Variants in EFR3B observed in about 807,000 individuals in gnomAD.
EFR3B encodes EFR3 homolog B.
EFR3B carries 64 observed loss-of-function variants against 104.7 expected under a neutral mutation model. That is an observed-to-expected ratio of 0.61 (90% CI 0.50 to 0.75). The LOEUF (loss-of-function observed/expected upper bound fraction) is 0.75. EFR3B is among the 30% of genes least tolerant of loss of function. The pLI, the probability that EFR3B is intolerant of heterozygous loss-of-function variation, is 0.00. For missense variants in EFR3B, 750 were observed against 1,078.5 expected (o/e 0.70, Z 4.27); for synonymous variants, 385 against 417.9 (o/e 0.92, Z 0.96).
At chr2:25,066,523 T>G (rs942897828) in intron 1 of EFR3B, among the ~76,000 whole-genome samples, 1 of 152,216 alleles carries the variant, frequency 6.6e-6, no homozygotes, top group Non-Finnish European at 1.5e-5. Context: ...CTGCCTGGAA[T>G]GCCTTCCTTT....
At chr2:25,129,006 C>CCTTT (rs1034791162) in intron 6 of EFR3B, among the ~76,000 whole-genome samples, 1 of 122,756 alleles carries the variant, frequency 8.1e-6, no homozygotes, top group Non-Finnish European at 1.7e-5. Context: ...AAAAAAGATG[C>CCTTT]CTTTCATGGC....
rs1671092886 is a variant in EFR3B, at chr2:25,154,013, G to A, written c.2349-222G>A. ...GCAAGAGTCCTAGTGTTCCGGGCTG[G>A]CACTTTCTAAAGCAGCAGTGTCACT... On this transcript the variant is annotated intron_variant, in intron 22 of 22. Coordinates refer to ENST00000403714, the MANE Select transcript of EFR3B (RefSeq NM_014971.2). This position sits in a 1 kb window ranked among gnomAD's most constrained non-coding sequence, Gnocchi z 4.1. 6.6e-6 allele frequency among the ~76,000 whole-genome samples: 1 copy of A among 152,178 alleles called. No individual in the cohort carries two copies. Among genetic ancestry groups the A allele is most frequent in the Admixed American group, 6.5e-5 (1 of 15,274 alleles).
rs572816102 is a variant in EFR3B at position 25,131,183 on chromosome 2, G to C, written c.850-185G>C. On this transcript the variant is annotated intron_variant, in intron 8 of 22. Coordinates refer to ENST00000403714, the MANE Select transcript of EFR3B (RefSeq NM_014971.2). This position sits in a 1 kb window ranked among gnomAD's most constrained non-coding sequence, Gnocchi z 7.6. ...CAGCTGAGGCCTCCACTGGGATTTG[G>C]CTCTTTGTTGGAGGGAGAAGGGAAG... Among the ~76,000 whole-genome samples the C allele has an allele frequency of 8.5e-5, 13 of 152,368 alleles. No individual in the cohort carries two copies. In the South Asian group the frequency reaches 2.3e-3, roughly 27 times the overall value.
intron 19 of EFR3B, 104 bp from the exon 20 acceptor site, chr2:25,149,590 C>A: frequency 1.6e-6 from 2 of 1,236,598 alleles, no homozygotes; most frequent in Non-Finnish European, 2.3e-6. Flanking sequence ...CCCACTGGGA[C>A]TTTCTTCCAA....
rs1671128100 is a variant in EFR3B at position 25,155,199 on chromosome 2, A to AG, written c.*863dup. On this transcript the variant is annotated 3_prime_UTR_variant, in exon 23 of 23. Transcript: ENST00000403714. ...GAAAGGCAGAGCAAGATAATCTTGG[A>AG]GGGGAACTACAGGGTCCCCAAGATT... 6.6e-6 allele frequency: 1 copy of AG among 152,172 alleles called. No homozygotes were observed. The highest frequency in any genetic ancestry group is 2.4e-5 in the African/African-American group (1 of 41,412). The allele number at this position is 152,172 out of a possible 1,614,324, so 9.4% of individuals were successfully genotyped here.
intron 3 of EFR3B, among the ~76,000 whole-genome samples, chr2:25,097,649 G>A (rs932298263): frequency 2.0e-5 from 3 of 152,194 alleles, no homozygotes; most frequent in Non-Finnish European, 4.4e-5. Flanking sequence ...AGGATGAGAT[G>A]TGAATTTCAA....
chr2:25,140,457 G>C (rs1025187623), intron 16 of EFR3B, among the ~76,000 whole-genome samples: 3 of 152,186 alleles, frequency 2.0e-5, no homozygotes, highest in Non-Finnish European at 4.4e-5. Flanking sequence ...GAGTCTTCCA[G>C]CTTCTGGGCT....
At chr2:25,106,553 G>A (rs1266792919) in intron 4 of EFR3B, among the ~76,000 whole-genome samples, 3 of 151,580 alleles carry the variant, frequency 2.0e-5, no homozygotes, top group Admixed American at 6.6e-5. Flanking sequence ...CACCTCCCAG[G>A]TTCAAGTGAT....
At position 25,085,825 on chromosome 2, in the gene EFR3B, G is replaced by T. The variant is rs563697975; in HGVS notation, c.8-5500G>T. The stretch of plus-strand genomic sequence containing the variant: ...ATATGTTAATTTGTGCTATGAATCT[G>T]GGATGGGGGATTTAGTATGCCTGGC... On this transcript the variant is annotated intron_variant, in intron 1 of 22. Coordinates refer to ENST00000403714, the MANE Select transcript of EFR3B (RefSeq NM_014971.2). 5.9e-4 allele frequency among the ~76,000 whole-genome samples: 89 copies of T among 150,824 alleles called. 1 individual carries two copies. Among genetic ancestry groups the T allele is most frequent in the African/African-American group, 2.0e-3 (84 of 41,012 alleles).
At chr2:25,096,088 T>A (rs1189262968) in intron 3 of EFR3B, among the ~76,000 whole-genome samples, 2 of 152,032 alleles carry the variant, frequency 1.3e-5, no homozygotes, top group African/African-American at 2.4e-5. Context: ...TGATCTTGGC[T>A]CACTGCAACC....
At chr2:25,103,292 T>G (rs1314152624) in intron 3 of EFR3B, among the ~76,000 whole-genome samples, 1 of 152,228 alleles carries the variant, frequency 6.6e-6, no homozygotes, top group Non-Finnish European at 1.5e-5. Context: ...TTCCCCGACC[T>G]CATAGAGTTT....
intron 1 of EFR3B, among the ~76,000 whole-genome samples, chr2:25,051,924 G>A (rs1573162586): frequency 6.6e-6 from 1 of 150,720 alleles, no homozygotes; most frequent in African/African-American, 2.4e-5. Flanking sequence ...GGCTGGGTTC[G>A]GTGGCTGACT....
intron 1 of EFR3B, among the ~76,000 whole-genome samples, chr2:25,078,196 G>C (rs1668689417): frequency 6.6e-6 from 1 of 152,126 alleles, no homozygotes; most frequent in African/African-American, 2.4e-5. Flanking sequence ...CGAACTGCTG[G>C]AGTTCATTAA....
At chr2:25,153,890 C>T (rs1671087594) in intron 22 of EFR3B, 129 bp downstream of exon 22, 2 of 1,024,732 alleles carry the variant, frequency 2.0e-6, no homozygotes, top group Non-Finnish European at 2.9e-6. Flanking sequence ...TAATCTCTAT[C>T]CCCTGGGCTG....
chr2:25,045,289 C>T (rs1284102264), intron 1 of EFR3B, among the ~76,000 whole-genome samples: 1 of 152,190 alleles, frequency 6.6e-6, no homozygotes, highest in African/African-American at 2.4e-5. Flanking sequence ...CCTCACCACT[C>T]AGTCATTCCT....
At chr2:25,124,600 C>T (rs2083116) in intron 5 of EFR3B, among the ~76,000 whole-genome samples, 30,174 of 151,568 alleles carry the variant, frequency 0.2, 3,759 homozygotes, top group Admixed American at 0.37. Flanking sequence ...ATTAGCCAGG[C>T]GTGGTGGCGG....
chr2:25,070,353 C>A (rs180986366), intron 1 of EFR3B, among the ~76,000 whole-genome samples: 137 of 152,260 alleles, frequency 9.0e-4, no homozygotes, highest in Non-Finnish European at 6.9e-4. Context: ...CCTCCGCCTC[C>A]CGGGTTCAAG....
chr2:25,073,544 G>A (rs1668551765), intron 1 of EFR3B, among the ~76,000 whole-genome samples: 1 of 151,968 alleles, frequency 6.6e-6, no homozygotes, highest in Non-Finnish European at 1.5e-5. Flanking sequence ...TTTTTGTAGA[G>A]AGGAGTTTCG....
chr2:25,052,402 G>A (rs1424610329), intron 1 of EFR3B, among the ~76,000 whole-genome samples: 1 of 150,576 alleles, frequency 6.6e-6, no homozygotes, highest in African/African-American at 2.4e-5. Context: ...TACTCACTCT[G>A]TATATTTCAG....
Sources: allele counts gnomAD v4.1 joint callset (sites outside exome capture counted in the v4.1 genomes callset), GRCh38; gene constraint gnomAD v4.1.1; non-coding constraint Gnocchi (gnomAD v3.1); transcripts MANE v1.5; gene names NCBI Gene and HGNC (gene_info 2026-07-23, HGNC 2026-07-21).